ASB3: variants seen among roughly 807,000 people sequenced by gnomAD.
The protein encoded by ASB3 is ankyrin repeat and SOCS box protein 3.
ASB3 carries 41 observed loss-of-function variants against 54.5 expected under a neutral mutation model. The ratio of observed to expected loss-of-function variants is 0.75; its 90% CI spans 0.59 to 0.98. The LOEUF (loss-of-function observed/expected upper bound fraction) is 0.98, where lower values mean the gene tolerates loss of function less well. Among genes scored for constraint, ASB3 ranks in the 50% least tolerant of loss-of-function variants. The probability of loss-of-function intolerance (pLI) is 0.00; values close to 1 mark genes in which losing one functional copy is unlikely to be tolerated. For missense variants in ASB3, 733 were observed against 620.0 expected, an observed-to-expected ratio of 1.18 and a Z score of -1.94; for synonymous variants, 266 against 221.2, an observed-to-expected ratio of 1.20 and a Z score of -1.80.
rs188757765 is a variant in ASB3, at chr2:53,690,078, A to C, written c.1369+3806T>G. ...TGGCGAAACCCTGTCTCAACAAAAA[A>C]TACAAAAATTAGCTGGGCATGGTGC... On this transcript the variant is annotated intron_variant, in intron 9 of 9. Coordinates refer to ENST00000263634, the MANE Select transcript of ASB3 (RefSeq NM_016115.5). 1.2e-3 allele frequency among the ~76,000 whole-genome samples: 181 copies of C among 152,048 alleles called. No homozygotes were observed. In the Middle Eastern group the frequency reaches 0.014, roughly 11 times the overall value.
chr2:53,758,142 T>C (rs1572980280), intron 2 of ASB3, among the ~76,000 whole-genome samples: 1 of 152,356 alleles, frequency 6.6e-6, no homozygotes. Flanking sequence ...AGGTCTTCTC[T>C]GTGACCCTAT....
intron 3 of ASB3, among the ~76,000 whole-genome samples, chr2:53,733,480 C>A (rs980875055): frequency 6.6e-6 from 1 of 150,858 alleles, no homozygotes; most frequent in Admixed American, 6.6e-5. Context: ...CTCACTCTGT[C>A]GCCCAAGCTC....
chr2:53,677,825 G>A (rs946759027), intron 9 of ASB3, among the ~76,000 whole-genome samples: 1 of 151,846 alleles, frequency 6.6e-6, no homozygotes, highest in African/African-American at 2.4e-5. Context: ...GTGTCTTGCT[G>A]AGTATGGTTC....
chr2:53,738,543 T>C (rs1449287675), intron 3 of ASB3, among the ~76,000 whole-genome samples: 3 of 152,096 alleles, frequency 2.0e-5, no homozygotes, highest in East Asian at 3.9e-4. Flanking sequence ...TAAGGGACAA[T>C]GTAGATATAG....
intron 3 of ASB3, among the ~76,000 whole-genome samples, chr2:53,749,826 G>C (rs1672420136): frequency 6.6e-6 from 1 of 152,008 alleles, no homozygotes; most frequent in South Asian, 2.1e-4. Context: ...GAATTTTGAG[G>C]AGTGATGGAA....
At chr2:53,702,143 A>G (rs1669526749) in intron 7 of ASB3, among the ~76,000 whole-genome samples, 1 of 152,182 alleles carries the variant, frequency 6.6e-6, no homozygotes, top group African/African-American at 2.4e-5. Flanking sequence ...AATTATTCAC[A>G]TTGCCTTGTA....
At chr2:53,693,324 G>A (rs904686744) in intron 9 of ASB3, among the ~76,000 whole-genome samples, 2 of 151,934 alleles carry the variant, frequency 1.3e-5, no homozygotes, top group African/African-American at 4.8e-5. Context: ...TTTAAGTGAG[G>A]TAAGTTGAAA....
intron 7 of ASB3, among the ~76,000 whole-genome samples, chr2:53,703,699 G>T (rs1014782063): frequency 6.6e-6 from 1 of 152,050 alleles, no homozygotes; most frequent in Non-Finnish European, 1.5e-5. Context: ...AAGTTTATTA[G>T]AATACAACAG....
chr2:53,715,361 G>A (rs916131068), intron 6 of ASB3, among the ~76,000 whole-genome samples: 2 of 152,144 alleles, frequency 1.3e-5, no homozygotes, highest in African/African-American at 2.4e-5. Flanking sequence ...CTACTCTGAA[G>A]TATTTTCATA....
chr2:53,768,297 G>A, intron 1 of ASB3: 1 of 390,128 alleles, frequency 2.6e-6, no homozygotes, highest in Non-Finnish European at 4.6e-6. Context: ...ACCAGGCTGA[G>A]TGCGGAGATG....
chr2:53,765,215 A>T, intron 2 of ASB3, 162 bp downstream of exon 2: 1 of 621,350 alleles, frequency 1.6e-6, no homozygotes, highest in Non-Finnish European at 2.0e-6. Flanking sequence ...ATTGAATCCA[A>T]GGCAGGCAAT....
intron 9 of ASB3, among the ~76,000 whole-genome samples, chr2:53,689,784 T>C (rs1010160918): frequency 6.6e-6 from 1 of 152,182 alleles, no homozygotes; most frequent in Non-Finnish European, 1.5e-5. Flanking sequence ...CTACCACAGA[T>C]CAACCTTCAT....
At chr2:53,734,983 G>A (rs1314932098) in intron 3 of ASB3, among the ~76,000 whole-genome samples, 9 of 146,864 alleles carry the variant, frequency 6.1e-5, no homozygotes, top group African/African-American at 1.0e-4. Context: ...GCAGTGGTGC[G>A]ATCTTGGCTC....
rs201846072 is a variant in ASB3 at position 53,775,357 on chromosome 2, A to G, written c.-13-9772T>C. 1.7e-4 allele frequency among the ~76,000 whole-genome samples: 25 copies of G among 150,588 alleles called. No individual in the cohort carries two copies. The South Asian group carries it at 2.4e-3, about 14-fold the overall frequency. ...TCTCAATTTGTGTGTGTGTGTGTGT[A>G]TATACATATATATACATATAAAATT... On this transcript the variant is annotated intron_variant, in intron 1 of 9. Coordinates refer to ENST00000263634, the MANE Select transcript of ASB3 (RefSeq NM_016115.5).
intron 5 of ASB3, among the ~76,000 whole-genome samples, chr2:53,723,727 A>G (rs1052463002): frequency 5.3e-5 from 8 of 152,222 alleles, no homozygotes; most frequent in Non-Finnish European, 8.8e-5. Flanking sequence ...TCCTGGTACA[A>G]AAACAGACAC....
At chr2:53,769,268 C>G (rs1352366204) in intron 1 of ASB3, among the ~76,000 whole-genome samples, 2 of 152,268 alleles carry the variant, frequency 1.3e-5, no homozygotes, top group African/African-American at 4.8e-5. Flanking sequence ...CCCAACACTT[C>G]GGAAGTTTGA....
At chr2:53,729,357 A>T in intron 4 of ASB3, 101 bp downstream of exon 4, 1 of 1,150,488 alleles carries the variant, frequency 8.7e-7, no homozygotes, top group Non-Finnish European at 1.3e-6. Context: ...AACCATCATA[A>T]ATCACAGGCA....
At position 53,670,279 on chromosome 2, in the gene ASB3, A is replaced by G. The variant is rs978210685; in HGVS notation, c.*224T>C. 2.3e-6 allele frequency: 1 copy of G among 432,250 alleles called. No homozygotes were observed. The highest frequency in any genetic ancestry group is 2.1e-5 in the African/African-American group (1 of 47,892). 26.8% of individuals were successfully genotyped at this position (432,250 alleles called of 1,614,324 possible). On this transcript the variant is annotated 3_prime_UTR_variant, in exon 10 of 10. Coordinates refer to ENST00000263634, the MANE Select transcript of ASB3 (RefSeq NM_016115.5). ...GATGAAGCTGCAATAAAGTAATATA[A>G]GTGATGTTTACAATTTTTTTTTTTT...
intron 7 of ASB3, among the ~76,000 whole-genome samples, chr2:53,710,698 T>C (rs1208360313): frequency 6.6e-6 from 1 of 152,200 alleles, no homozygotes; most frequent in African/African-American, 2.4e-5. Flanking sequence ...GCAATTTCTG[T>C]TTTACCTTAT....
Sources: gnomAD v4.1 joint callset for allele counts (sites outside exome capture counted in the v4.1 genomes callset) on GRCh38, gnomAD v4.1.1 for gene constraint, MANE v1.5 for transcripts, NCBI Gene and HGNC (gene_info 2026-07-23, HGNC 2026-07-21) for gene names.